Variants in TRIM29 observed in about 807,000 individuals in gnomAD.
TRIM29 encodes the protein tripartite motif containing 29, also known as tripartite motif-containing protein 29.
TRIM29 carries 52 observed loss-of-function variants against 57.3 expected under a neutral mutation model. The ratio of observed to expected loss-of-function variants is 0.91; its 90% CI spans 0.73 to 1.14. The LOEUF (loss-of-function observed/expected upper bound fraction) is 1.14, where lower values mean the gene tolerates loss of function less well. Ranked by LOEUF, TRIM29 falls within the 50% of genes most tolerant of loss-of-function variation. The pLI is 0.00. For synonymous variants in TRIM29, 319 were observed against 316.9 expected, an observed-to-expected ratio of 1.01 and a Z score of -0.07; for missense variants, 753 against 774.6, an observed-to-expected ratio of 0.97 and a Z score of 0.33.
In TRIM29 at chr11:120,138,105, G is replaced by C. The variant is rs1337914214; in HGVS notation, c.-74C>G. On this transcript the variant is annotated 5_prime_UTR_variant, in exon 1 of 9. Coordinates refer to ENST00000341846, the MANE Select transcript of TRIM29 (RefSeq NM_012101.4). ...GGTGACCTTTCTGGCAGGCGTCTCG[G>C]CAGGGAGTGGGGCAGGCAACCACGA... The C allele has an allele frequency of 6.9e-7, 1 of 1,451,680 alleles. No individual in the cohort carries two copies. The highest frequency in any genetic ancestry group is 1.4e-5 in the African/African-American group (1 of 70,834). The allele number at this position is 1,451,680 out of a possible 1,614,324, so 89.9% of individuals were successfully genotyped here.
rs1172458657 is a variant in TRIM29 at position 120,120,658 on chromosome 11, GA to G, written c.1442del (p.Val481AlafsTer61). On this transcript the variant is annotated frameshift_variant, in exon 6 of 9. Transcript: ENST00000341846. LOFTEE classifies it high-confidence loss of function. ...GAGACGAGGGCTGGTATGATGTCCG[GA>G]CCCCACCTGTGAAGCAGATGAAGGG... Reference protein sequence around the residue: ...YSMYLTPKGGVRTSYQPSSPG... With the variant: ...YSMYLTPKGGXRTSYQPSSPG... 1 of 1,613,706 alleles carries G rather than the reference GA, an allele frequency of 6.2e-7. No individual in the cohort carries two copies. Among genetic ancestry groups the G allele is most frequent in the Non-Finnish European group, 8.5e-7 (1 of 1,179,970 alleles).
intron 1 of TRIM29, among the ~76,000 whole-genome samples, chr11:120,135,889 G>T (rs1863805070): frequency 6.6e-6 from 1 of 152,162 alleles, no homozygotes; most frequent in Non-Finnish European, 1.5e-5. Flanking sequence ...AGGAAGGTTT[G>T]CCCCAGGAAG....
chr11:120,137,181 G>A lies in TRIM29; in HGVS notation c.804+47C>T. ...AGAAGATGAAGTTCGGAGGGGTGGG[G>A]TGAGAGAGGAGAGGCCTGGAGGGGC... is the stretch of plus-strand genomic sequence containing the variant. On this transcript the variant is annotated intron_variant, in intron 1 of 8. Coordinates refer to ENST00000341846, the MANE Select transcript of TRIM29 (RefSeq NM_012101.4). This position sits in a 1 kb window ranked among gnomAD's most constrained non-coding sequence, Gnocchi z 6.2. The A allele has an allele frequency of 6.3e-7, 1 of 1,596,840 alleles. No individual in the cohort carries two copies. The highest frequency in any genetic ancestry group is 8.6e-7 in the Non-Finnish European group (1 of 1,168,818).
rs969404707 is a variant in TRIM29 at position 120,131,948 on chromosome 11, G to A, written c.805-3453C>T. Among the ~76,000 whole-genome samples the A allele has an allele frequency of 5.3e-5, 8 of 150,174 alleles. No individual in the cohort carries two copies. The East Asian group carries it at 1.2e-3, about 22-fold the overall frequency. On this transcript the variant is annotated intron_variant, in intron 1 of 8. Coordinates refer to ENST00000341846, the MANE Select transcript of TRIM29 (RefSeq NM_012101.4). ...TGGAGGTAAGTGGCATTATCCCTCC[G>A]ACTTCACAGGTGTGAAAACCGAGGC... is the stretch of plus-strand genomic sequence containing the variant.
At chr11:120,130,896 G>A (rs920339839) in intron 1 of TRIM29, among the ~76,000 whole-genome samples, 1 of 152,178 alleles carries the variant, frequency 6.6e-6, no homozygotes, top group African/African-American at 2.4e-5. Flanking sequence ...GATAGTGTAC[G>A]CTGTCAGATT....
At chr11:120,112,555 C>A in intron 8 of TRIM29, 79 bp from the exon 9 acceptor site, 1 of 1,491,802 alleles carries the variant, frequency 6.7e-7, no homozygotes, top group Non-Finnish European at 9.3e-7. Context: ...CCCTAACCTG[C>A]CTCAGGAGGC....
At chr11:120,123,132 A>C in intron 4 of TRIM29, 77 bp from the exon 5 acceptor site, 3 of 1,234,280 alleles carry the variant, frequency 2.4e-6, no homozygotes, top group Non-Finnish European at 3.6e-6. Context: ...TTTGGGGCTC[A>C]GATGAGTCAC....
chr11:120,113,739 C>T, intron 8 of TRIM29: 1 of 455,212 alleles, frequency 2.2e-6, no homozygotes, highest in South Asian at 1.6e-5. Flanking sequence ...ACCAGGTCTC[C>T]TGACCCCCAG....
intron 6 of TRIM29, 82 bp downstream of exon 6, chr11:120,120,491 C>A: frequency 7.7e-7 from 1 of 1,294,648 alleles, no homozygotes; most frequent in Non-Finnish European, 1.1e-6. Flanking sequence ...CAGCCCTGTG[C>A]CCCTGGACCC....
At position 120,120,556 on chromosome 11, in the gene TRIM29, G is replaced by C; in HGVS notation, c.1528+17C>G. ...CCACATGAACTCTGTGCACCCTTGAGCTGAGCCACCACCTACCTTTGGTGC... is the reference window on the plus strand; with the variant it reads ...CCACATGAACTCTGTGCACCCTTGACCTGAGCCACCACCTACCTTTGGTGC... On this transcript the variant is annotated intron_variant, in intron 6 of 8. Transcript: ENST00000341846. 1 of 1,609,112 alleles carries C rather than the reference G, an allele frequency of 6.2e-7. No individual in the cohort carries two copies.
At chr11:120,126,056 G>C in intron 3 of TRIM29, 167 bp from the exon 4 acceptor site, 1 of 669,940 alleles carries the variant, frequency 1.5e-6, no homozygotes, top group Middle Eastern at 4.2e-4. Context: ...TCAACTAAAA[G>C]CCACTGGATG....
intron 4 of TRIM29, chr11:120,125,473 G>A: frequency 1.8e-6 from 1 of 569,292 alleles, no homozygotes; most frequent in Non-Finnish European, 3.1e-6. Context: ...CTGCTCTGGA[G>A]GTCTCTTCCT....
chr11:120,128,924 C>A, intron 1 of TRIM29: 2 of 1,392,830 alleles, frequency 1.4e-6, no homozygotes, highest in South Asian at 1.5e-5. Context: ...GTGGCAGTAA[C>A]AGTGTGCAGC....
At position 120,112,121 on chromosome 11, in the gene TRIM29, C is replaced by A; in HGVS notation, c.*293G>T. Reference sequence around the variant, plus strand: ...ATCCAGCCCGAGAGGAGGAGGCTGGCGGGTTAGGGCAGGCCCCAACCTATC... The same window carrying A: ...ATCCAGCCCGAGAGGAGGAGGCTGGAGGGTTAGGGCAGGCCCCAACCTATC... On this transcript the variant is annotated 3_prime_UTR_variant, in exon 9 of 9. Coordinates refer to ENST00000341846, the MANE Select transcript of TRIM29 (RefSeq NM_012101.4). 1 of 381,324 alleles carries A rather than the reference C, an allele frequency of 2.6e-6. No individual in the cohort carries two copies. The highest frequency in any genetic ancestry group is 2.5e-5 in the South Asian group (1 of 39,886). The allele number at this position is 381,324 out of a possible 1,614,324, so 23.6% of individuals were successfully genotyped here.
At chr11:120,118,928 C>T (rs7128147) in intron 6 of TRIM29, 46,673 of 152,338 alleles carry the variant, frequency 0.31, 7,614 homozygotes, top group Non-Finnish European at 0.35. Flanking sequence ...GTCTGTCTCC[C>T]GCAGTGAGCT....
chr11:120,121,441 T>C (rs562015), intron 5 of TRIM29: 138,239 of 154,118 alleles, frequency 0.9, 62,206 homozygotes, highest in African/African-American at 0.96. Flanking sequence ...TGCTTCCTGT[T>C]CTCCCCCCAA....
At chr11:120,136,800 A>T (rs1032639578) in intron 1 of TRIM29, among the ~76,000 whole-genome samples, 24 of 152,254 alleles carry the variant, frequency 1.6e-4, no homozygotes, top group Middle Eastern at 3.4e-3. Context: ...AAAAAAAAAA[A>T]AAAATAAAAG....
At chr11:120,130,970 G>A (rs1863710821) in intron 1 of TRIM29, among the ~76,000 whole-genome samples, 1 of 152,214 alleles carries the variant, frequency 6.6e-6, no homozygotes, top group Non-Finnish European at 1.5e-5. Context: ...TGCATAGAGA[G>A]GCTGGTGAGG....
chr11:120,131,362 A>C (rs78872962), intron 1 of TRIM29, among the ~76,000 whole-genome samples: 4,843 of 152,232 alleles, frequency 0.032, 137 homozygotes, highest in Non-Finnish European at 0.046. Flanking sequence ...CATCCTGTGT[A>C]AGAGAACAAG....
Sources: allele counts gnomAD v4.1 joint callset (sites outside exome capture counted in the v4.1 genomes callset), GRCh38; gene constraint gnomAD v4.1.1; non-coding constraint Gnocchi (gnomAD v3.1); transcripts MANE v1.5; gene names NCBI Gene and HGNC (gene_info 2026-07-23, HGNC 2026-07-21).